ABHD16A: variants seen among roughly 807,000 people sequenced by gnomAD.
ABHD16A encodes phosphatidylserine lipase ABHD16A.
A neutral mutation model predicts 89.8 loss-of-function variants in ABHD16A; 47 were observed. That is an observed-to-expected ratio of 0.52 (90% CI 0.41 to 0.67). The LOEUF is 0.67. ABHD16A is among the 30% of genes least tolerant of loss of function. The pLI, the probability that ABHD16A is intolerant of heterozygous loss-of-function variation, is 0.00. For missense variants in ABHD16A, 580 were observed against 734.6 expected (o/e 0.79, Z 2.43); for synonymous variants, 251 against 280.4 (o/e 0.90, Z 1.05).
rs756627275 is a variant in ABHD16A, at chr6:31,687,307, A to T, written c.1594-12T>A. The T allele has an allele frequency of 1.2e-6, 2 of 1,612,470 alleles. No individual in the cohort carries two copies. The highest frequency in any genetic ancestry group is 2.2e-5 in the East Asian group (1 of 44,868). ...AGATGCTTCCGAGCCTGAGGAAAGG[A>T]GGTGGGACAGGTGGGGTACAGAGCA... On this transcript the variant is annotated splice_polypyrimidine_tract_variant and intron_variant, in intron 19 of 19. Coordinates refer to ENST00000395952, the MANE Select transcript of ABHD16A (RefSeq NM_021160.3). This position sits in a 1 kb window ranked among gnomAD's most constrained non-coding sequence, Gnocchi z 6.3.
intron 2 of ABHD16A, 61 bp downstream of exon 2, chr6:31,702,013 A>G: frequency 6.3e-7 from 1 of 1,597,822 alleles, no homozygotes; most frequent in Non-Finnish European, 8.6e-7. Context: ...AGGGAGGGCT[A>G]AGTTCAAGAG....
rs768577165 is a variant in ABHD16A, at chr6:31,688,141, G to A, written c.1308-38C>T. 6 of 1,606,992 alleles carry A rather than the reference G, an allele frequency of 3.7e-6. No homozygotes were observed. Among genetic ancestry groups the A allele is most frequent in the African/African-American group, 1.3e-5 (1 of 74,786 alleles). ...AGAATGTACCCTGGAGGGGCTGGAGGTTAGGAGGAAGGGTCTAGATACCCA... is the reference window on the plus strand; with the variant it reads ...AGAATGTACCCTGGAGGGGCTGGAGATTAGGAGGAAGGGTCTAGATACCCA... On this transcript the variant is annotated intron_variant, in intron 15 of 19. Transcript: ENST00000395952. This position sits in a 1 kb window ranked among gnomAD's most constrained non-coding sequence, Gnocchi z 4.9.
At chr6:31,692,079 G>C in intron 7 of ABHD16A, 161 bp from the exon 8 acceptor site, 1 of 603,022 alleles carries the variant, frequency 1.7e-6, no homozygotes, top group Non-Finnish European at 2.8e-6. Flanking sequence ...TATGTACCAG[G>C]CTAGTGTTTT....
rs931697592 is a variant in ABHD16A at position 31,693,119 on chromosome 6, C to A, written c.534G>T (p.Arg178=). Residue 178 remains arginine (R), a synonymous_variant, in exon 7 of 20, where the codon CGG becomes CGT. Coordinates refer to ENST00000395952, the MANE Select transcript of ABHD16A (RefSeq NM_021160.3). This position sits in a 1 kb window ranked among gnomAD's most constrained non-coding sequence, Gnocchi z 5.0. ...GCTCTGGGCGAAGCAGGGCCACACC[C>A]CGGCGGGAAGGGCCCCCTCGAGACT... ...RKESRGGPSR[R]GVALLRPEPL... 1.9e-6 allele frequency: 3 copies of A among 1,613,940 alleles called. No homozygotes were observed. The highest frequency in any genetic ancestry group is 1.7e-6 in the Non-Finnish European group (2 of 1,179,910).
In ABHD16A at chr6:31,701,312, T is replaced by C; in HGVS notation, c.218A>G (p.Tyr73Cys). 1 of 1,611,868 alleles carries C rather than the reference T, an allele frequency of 6.2e-7. No individual in the cohort carries two copies. The highest frequency in any genetic ancestry group is 8.5e-7 in the Non-Finnish European group (1 of 1,179,444). The change falls in exon 3 of 20, where the codon TAC becomes TGC. Residue 73 changes from tyrosine to cysteine, a missense_variant. Around this residue, in one of 2 missense-constraint regions of ABHD16A, gnomAD observed 165 missense variants for 165.8 expected, o/e 1.00. Coordinates refer to ENST00000395952, the MANE Select transcript of ABHD16A (RefSeq NM_021160.3). The stretch of plus-strand genomic sequence containing the variant: ...GTAGAAGAAGGCGAAGGGAGAGGAG[T>C]AATAAGAGATGGACCAGAATACTGA... Reference protein sequence around the residue: ...LASVFWSISYYSSPFAFFYLY... With the variant: ...LASVFWSISYCSSPFAFFYLY...
Position 31,687,633 on chromosome 6 carries a change from G to A in ABHD16A, c.1546+9C>T. ...TCCCACCCTCTCTCCTGCCCCAGGA[G>A]CTCCTTACCCACGCTCCAGGGGAAG... On this transcript the variant is annotated intron_variant, in intron 18 of 19. Transcript: ENST00000395952. This position sits in a 1 kb window ranked among gnomAD's most constrained non-coding sequence, Gnocchi z 6.3. 6.2e-7 allele frequency: 1 copy of A among 1,612,912 alleles called. No homozygotes were observed. The highest frequency in any genetic ancestry group is 1.3e-5 in the African/African-American group (1 of 75,008).
Position 31,691,903 on chromosome 6 carries a change from G to A in ABHD16A, c.642C>T (p.His214=), listed in dbSNP as rs1417328903. 1.2e-6 allele frequency: 2 copies of A among 1,608,454 alleles called. No individual in the cohort carries two copies. Among genetic ancestry groups the A allele is most frequent in the Admixed American group, 1.7e-5 (1 of 59,706 alleles). ...GATACAGCATCCGGCGCCCTAGGGT[G>A]TGCGCCACCAGGTAGCTGTGGGGAA... The part of the protein sequence containing the change: ...PCQITSYLVA[H]TLGRRMLYPG... Residue 214 remains histidine (H), a synonymous_variant, in exon 8 of 20, where the codon CAC becomes CAT. Transcript: ENST00000395952.
At position 31,693,993 on chromosome 6, in the gene ABHD16A, TG is replaced by T. The variant is rs1399987287; in HGVS notation, c.430-562del. Among the ~76,000 whole-genome samples the T allele has an allele frequency of 3.3e-5, 5 of 151,806 alleles. No homozygotes were observed. The highest frequency in any genetic ancestry group is 7.3e-5 in the African/African-American group (3 of 41,368). ...ATCCCTTCCTCAACTCCTGCAGCCA[TG>T]GATCAGTGTTGCCCTACAGCCCATC... On this transcript the variant is annotated intron_variant, in intron 5 of 19. Coordinates refer to ENST00000395952, the MANE Select transcript of ABHD16A (RefSeq NM_021160.3). The surrounding 1 kb of genome is among the most constrained non-coding windows in gnomAD (Gnocchi z 5.0).
Position 31,703,165 on chromosome 6 carries a change from G to C in ABHD16A, c.117C>G (p.Pro39=). 1 of 1,435,150 alleles carries C rather than the reference G, an allele frequency of 7.0e-7. No individual in the cohort carries two copies. The highest frequency in any genetic ancestry group is 9.2e-7 in the Non-Finnish European group (1 of 1,087,236). The allele number at this position is 1,435,150 out of a possible 1,614,324, so 88.9% of individuals were successfully genotyped here. Residue 39 remains proline (P), a synonymous_variant, in exon 1 of 20, where the codon CCC becomes CCG. Transcript: ENST00000395952. ...VPETPTAVTA[P]HSSSWDTYYQ... ...CTCGACTCACCCAGGAGCTGGAATG[G>C]GGGGCAGTGACTGCCGTTGGCGTCT...
At chr6:31,697,526 G>A (rs1380956508) in intron 4 of ABHD16A, among the ~76,000 whole-genome samples, 1 of 152,016 alleles carries the variant, frequency 6.6e-6, no homozygotes, top group East Asian at 1.9e-4. Context: ...CTGAATTCCT[G>A]ACTCTTCTAT....
In ABHD16A at chr6:31,701,040, G is replaced by C; in HGVS notation, c.257-12C>G. 1 of 1,604,780 alleles carries C rather than the reference G, an allele frequency of 6.2e-7. No individual in the cohort carries two copies. Among genetic ancestry groups the C allele is most frequent in the Non-Finnish European group, 8.5e-7 (1 of 1,171,788 alleles). On this transcript the variant is annotated splice_polypyrimidine_tract_variant and intron_variant, in intron 3 of 19. Coordinates refer to ENST00000395952, the MANE Select transcript of ABHD16A (RefSeq NM_021160.3). Reference sequence around the variant, plus strand: ...CAAACTCAAGTAACCTGGGAAGGGAGAGGGACAATGTGAGACCCTCTCCGC... The same window carrying C: ...CAAACTCAAGTAACCTGGGAAGGGACAGGGACAATGTGAGACCCTCTCCGC...
At position 31,698,585 on chromosome 6, in the gene ABHD16A, A is replaced by G. The variant is rs1407547599; in HGVS notation, c.344-1552T>C. On this transcript the variant is annotated intron_variant, in intron 4 of 19. Coordinates refer to ENST00000395952, the MANE Select transcript of ABHD16A (RefSeq NM_021160.3). The surrounding 1 kb of genome is among the most constrained non-coding windows in gnomAD (Gnocchi z 4.1). Reference sequence around the variant, plus strand: ...ACTGCAACCTCCGCCTCCCGGGTTCAAGTGATTCTCCTGCCACAGCCTCCC... The same window carrying G: ...ACTGCAACCTCCGCCTCCCGGGTTCGAGTGATTCTCCTGCCACAGCCTCCC... 3.9e-5 allele frequency among the ~76,000 whole-genome samples: 6 copies of G among 152,054 alleles called. No individual in the cohort carries two copies.
Position 31,686,955 on chromosome 6 carries a change from T to C in ABHD16A, c.*257A>G. On this transcript the variant is annotated 3_prime_UTR_variant, in exon 20 of 20. Coordinates refer to ENST00000395952, the MANE Select transcript of ABHD16A (RefSeq NM_021160.3). The surrounding 1 kb of genome is among the most constrained non-coding windows in gnomAD (Gnocchi z 4.3). ...CACTTGAGAAGTTATACAATTAGCCTGATAGTAGAAAAAATACCTTTTTAT... is the reference window on the plus strand; with the variant it reads ...CACTTGAGAAGTTATACAATTAGCCCGATAGTAGAAAAAATACCTTTTTAT... The C allele has an allele frequency of 1.9e-6, 1 of 523,472 alleles. No individual in the cohort carries two copies. Among genetic ancestry groups the C allele is most frequent in the Non-Finnish European group, 3.4e-6 (1 of 296,706 alleles). 32.4% of individuals were successfully genotyped at this position (523,472 alleles called of 1,614,324 possible). A position where few individuals can be genotyped will look rare whatever the true frequency, so the allele number is the denominator to read the frequency against.
chr6:31,688,766 C>T lies in ABHD16A; in HGVS notation c.1207G>A (p.Val403Met), dbSNP rs769265532. The change falls in exon 14 of 20, where the codon GTG becomes ATG. Residue 403 changes from valine (V) to methionine (M), a missense_variant. Around this residue, in one of 2 missense-constraint regions of ABHD16A, gnomAD observed 415 missense variants for 568.8 expected, o/e 0.73. Coordinates refer to ENST00000395952, the MANE Select transcript of ABHD16A (RefSeq NM_021160.3). The surrounding 1 kb of genome is among the most constrained non-coding windows in gnomAD (Gnocchi z 4.9). ...TTGTTTAGATTGAGATGCTGCCTCA[C>T]GGTCCTGGTCACCAGGCCCCCTAGA... Reference protein sequence around the residue: ...DSWRGLVTRTVRQHLNLNNAE... With the variant: ...DSWRGLVTRTMRQHLNLNNAE... 7 of 1,613,002 alleles carry T rather than the reference C, an allele frequency of 4.3e-6. No individual in the cohort carries two copies. The highest frequency in any genetic ancestry group is 1.1e-5 in the South Asian group (1 of 91,078).
In ABHD16A at chr6:31,687,248, G is replaced by GA; in HGVS notation, c.1640dup (p.Ala549SerfsTer44). On this transcript the variant is annotated frameshift_variant, in exon 20 of 20. Coordinates refer to ENST00000395952, the MANE Select transcript of ABHD16A (RefSeq NM_021160.3). LOFTEE classifies it high-confidence loss of function. This position sits in a 1 kb window ranked among gnomAD's most constrained non-coding sequence, Gnocchi z 6.3. ...AGGGCATCTGGAAGTTCTGGGCTGG[G>GA]AGTGGGGTGCAGTGAGTGGCCTCAA... is the stretch of plus-strand genomic sequence containing the variant. The GA allele has an allele frequency of 6.2e-7, 1 of 1,613,000 alleles. No homozygotes were observed. The highest frequency in any genetic ancestry group is 8.5e-7 in the Non-Finnish European group (1 of 1,179,982).
chr6:31,696,832 G>A (rs1804444009), intron 5 of ABHD16A, 116 bp downstream of exon 5: 1 of 958,404 alleles, frequency 1.0e-6, no homozygotes, highest in East Asian at 2.4e-5. Context: ...CACCCAGTGT[G>A]GTGGGTGGTA....
chr6:31,703,035 A>G, intron 1 of ABHD16A, 115 bp downstream of exon 1: 14 of 1,365,394 alleles, frequency 1.0e-5, no homozygotes, highest in Non-Finnish European at 1.3e-5. Flanking sequence ...TTTGCGGATA[A>G]CTGGCTTGAC....
rs2151258972 is a variant in ABHD16A, at chr6:31,701,801, G to C, written c.189+273C>G. 2.0e-5 allele frequency among the ~76,000 whole-genome samples: 3 copies of C among 152,334 alleles called. No individual in the cohort carries two copies. The South Asian group carries it at 6.2e-4, about 32-fold the overall frequency. On this transcript the variant is annotated intron_variant, in intron 2 of 19. Coordinates refer to ENST00000395952, the MANE Select transcript of ABHD16A (RefSeq NM_021160.3). ...AGGGAGGACAGGTCACTGGGGAACT[G>C]CAGGACTTAGCACCTGCAGATGGTC...
chr6:31,702,242 C>T (rs1805086955), intron 1 of ABHD16A, 112 bp from the exon 2 acceptor site: 2 of 1,037,054 alleles, frequency 1.9e-6, no homozygotes, highest in Non-Finnish European at 2.9e-6. Context: ...GACTATCTCT[C>T]TTGAAACATC....
Sources: gnomAD v4.1 joint callset for allele counts (sites outside exome capture counted in the v4.1 genomes callset) on GRCh38, gnomAD v4.1.1 for gene constraint, gnomAD v4.1.1 regional missense constraint, Gnocchi (gnomAD v3.1) non-coding constraint, MANE v1.5 for transcripts, NCBI Gene and HGNC (gene_info 2026-07-23, HGNC 2026-07-21) for gene names.